The following PCDHGA4 variants were observed in gnomAD, a reference collection of about 807,000 sequenced individuals.
The protein encoded by PCDHGA4 is protocadherin gamma subfamily A, 4.
A neutral mutation model predicts 54.6 loss-of-function variants in PCDHGA4; 38 were observed. The ratio of observed to expected loss-of-function variants is 0.70; its 90% CI spans 0.54 to 0.91. The LOEUF is 0.91. Ranked by LOEUF, PCDHGA4 falls within the 40% of genes least tolerant of loss-of-function variation. The pLI, the probability that PCDHGA4 is intolerant of heterozygous loss-of-function variation, is 0.00. For synonymous variants in PCDHGA4, 511 were observed against 512.9 expected (o/e 1.00, Z 0.05); for missense variants, 1,298 against 1,220.9 (o/e 1.06, Z -0.94).
At chr5:141,418,904 A>C (rs2096300166) in intron 1 of PCDHGA4, 1 of 1,613,998 alleles carries the variant, frequency 6.2e-7, no homozygotes, top group Admixed American at 1.7e-5. Context: ...AGAAATAATC[A>C]TCACGTCACT....
intron 1 of PCDHGA4, among the ~76,000 whole-genome samples, chr5:141,445,929 A>G (rs1388363296): frequency 6.6e-6 from 1 of 152,208 alleles, no homozygotes; most frequent in Non-Finnish European, 1.5e-5. Context: ...AAGATATTTG[A>G]ATTATTAAGC....
rs753050855 is a variant in PCDHGA4 at position 141,375,684 on chromosome 5, C to T, written c.2514+18063C>T. 4 of 1,614,272 alleles carry T rather than the reference C, an allele frequency of 2.5e-6. No individual in the cohort carries two copies. In the South Asian group the frequency reaches 4.4e-5, roughly 18 times the overall value. On this transcript the variant is annotated intron_variant, in intron 1 of 3. Coordinates refer to ENST00000571252, the MANE Select transcript of PCDHGA4 (RefSeq NM_018917.4). The stretch of plus-strand genomic sequence containing the variant: ...AGAGACCTACAGCTGTGGGTGACAG[C>T]CAGCGACAGCGGGGACCCGCCTCTT...
chr5:141,422,587 CCTCA>C, intron 1 of PCDHGA4: 1 of 1,614,032 alleles, frequency 6.2e-7, no homozygotes, highest in Non-Finnish European at 8.5e-7. Context: ...TCCCGTTTTT[CCTCA>C]CTCCTCTTAC....
chr5:141,449,936 T>C (rs1016569958), intron 1 of PCDHGA4, among the ~76,000 whole-genome samples: 4 of 151,978 alleles, frequency 2.6e-5, no homozygotes, highest in African/African-American at 9.6e-5. Context: ...CCTTATAGTA[T>C]ATTTTACTAT....
chr5:141,381,720 T>G (rs1777381403), intron 1 of PCDHGA4, among the ~76,000 whole-genome samples: 1 of 152,132 alleles, frequency 6.6e-6, no homozygotes, highest in Non-Finnish European at 1.5e-5. Context: ...CTCACAAGAC[T>G]GGGAGTGAGA....
intron 2 of PCDHGA4, 54 bp from the exon 3 acceptor site, chr5:141,505,339 G>A: frequency 1.2e-6 from 2 of 1,612,236 alleles, no homozygotes; most frequent in Middle Eastern, 3.4e-4. Flanking sequence ...GACAGGAGGG[G>A]CATGAGCTGT....
At chr5:141,510,238 A>C (rs2099880007) in intron 3 of PCDHGA4, among the ~76,000 whole-genome samples, 1 of 149,340 alleles carries the variant, frequency 6.7e-6, no homozygotes, top group Non-Finnish European at 1.5e-5. Flanking sequence ...GCGCCACTGC[A>C]CTCCAGGCTG....
intron 1 of PCDHGA4, chr5:141,385,154 C>G (rs761681846): frequency 6.2e-7 from 1 of 1,614,208 alleles, no homozygotes; most frequent in Non-Finnish European, 8.5e-7. Flanking sequence ...TTCCTGCAGA[C>G]CTATTCCCAT....
At chr5:141,387,857 G>A (rs375524405) in intron 1 of PCDHGA4, 124 of 1,594,010 alleles carry the variant, frequency 7.8e-5, no homozygotes, top group Admixed American at 2.1e-4. Context: ...TCTCCAGGCT[G>A]GTGAGCAAGC....
chr5:141,355,399 G>C lies in PCDHGA4; in HGVS notation c.292G>C (p.Val98Leu), dbSNP rs997655527. 1.9e-6 allele frequency: 3 copies of C among 1,613,968 alleles called. No individual in the cohort carries two copies. In the African/African-American group the frequency reaches 4.0e-5, roughly 22 times the overall value. Residue 98 changes from valine to leucine, a missense_variant, in exon 1 of 4, where the codon GTC (valine) becomes CTC (leucine). By Grantham distance (32) the Val-to-Leu change is conservative. Transcript: ENST00000571252. ...RELAERGVRIVSRGRTQLFAL... is the reference protein window; with the variant it reads ...RELAERGVRILSRGRTQLFAL... ...GCTGGCGGAGCGCGGAGTCCGCATC[G>C]TCTCCAGAGGTAGGACGCAGCTTTT... is the stretch of plus-strand genomic sequence containing the variant.
rs70988800 is a variant in PCDHGA4, at chr5:141,379,889, C to CTTTTTTTTTTTTTTTTTTTTTTT, written c.2514+22276_2514+22298dup. Among the ~76,000 whole-genome samples the CTTTTTTTTTTTTTTTTTTTTTTT allele has an allele frequency of 1.4e-3, 69 of 50,828 alleles. 14 individuals are homozygous for CTTTTTTTTTTTTTTTTTTTTTTT. The highest frequency in any genetic ancestry group is 2.0e-3 in the Non-Finnish European group (53 of 25,880). 33.3% of individuals were successfully genotyped at this position (50,828 alleles called of 152,430 possible). Reference sequence around the variant, plus strand: ...CTTATTTTATGGTCTGTGAAAGCCTCTTTTTTTTTTTTTTTTTTTTTTTTT... The same window carrying CTTTTTTTTTTTTTTTTTTTTTTT: ...CTTATTTTATGGTCTGTGAAAGCCTCTTTTTTTTTTTTTTTTTTTTTTTTTTTTTTTTTTTTTTTTTTTTTTTT... On this transcript the variant is annotated intron_variant, in intron 1 of 3. Coordinates refer to ENST00000571252, the MANE Select transcript of PCDHGA4 (RefSeq NM_018917.4).
intron 1 of PCDHGA4, among the ~76,000 whole-genome samples, chr5:141,457,459 CA>C (rs1402759850): frequency 6.6e-6 from 1 of 152,166 alleles, no homozygotes; most frequent in Non-Finnish European, 1.5e-5. Context: ...CCACTTGATT[CA>C]CAGGAATAAG....
Position 141,491,947 on chromosome 5 carries a change from C to T in PCDHGA4, c.2515-2860C>T. ...GGGGAGGTGGGACCGACCCCCACCCCTACACTCAAAAAAGGCCGGGGCCTC... is the reference window on the plus strand; with the variant it reads ...GGGGAGGTGGGACCGACCCCCACCCTTACACTCAAAAAAGGCCGGGGCCTC... On this transcript the variant is annotated intron_variant, in intron 1 of 3. Coordinates refer to ENST00000571252, the MANE Select transcript of PCDHGA4 (RefSeq NM_018917.4). The surrounding 1 kb of genome is among the most constrained non-coding windows in gnomAD (Gnocchi z 6.9). 1 of 1,114,210 alleles carries T rather than the reference C, an allele frequency of 9.0e-7. No individual in the cohort carries two copies. The highest frequency in any genetic ancestry group is 1.2e-6 in the Non-Finnish European group (1 of 815,758). 69.0% of individuals were successfully genotyped at this position (1,114,210 alleles called of 1,614,324 possible). A position where few individuals can be genotyped will look rare whatever the true frequency, so the allele number is the denominator to read the frequency against.
intron 3 of PCDHGA4, among the ~76,000 whole-genome samples, chr5:141,506,444 CAAAAAAAAAA>C (rs1219684339): frequency 8.4e-5 from 8 of 95,030 alleles, no homozygotes; most frequent in Non-Finnish European, 1.3e-4. Context: ...CGCTCTGTCT[CAAAAAAAAAA>C]AAAAAAAAAA....
chr5:141,400,067 A>G lies in PCDHGA4; in HGVS notation c.2514+42446A>G, dbSNP rs761746196. On this transcript the variant is annotated intron_variant, in intron 1 of 3. Coordinates refer to ENST00000571252, the MANE Select transcript of PCDHGA4 (RefSeq NM_018917.4). ...CTGGTTGCTGTGCGTGATGGTGGAC[A>G]GCCGCCACTCTCCGCCACCGCCACG... is the stretch of plus-strand genomic sequence containing the variant. 1.3e-5 allele frequency: 21 copies of G among 1,613,654 alleles called. No individual in the cohort carries two copies. The highest frequency in any genetic ancestry group is 1.7e-4 in the Middle Eastern group (1 of 5,998).
Position 141,438,643 on chromosome 5 carries a change from C to CATAT in PCDHGA4, c.2515-56163_2515-56162insTATA, listed in dbSNP as rs1213792286. ...ATATATATATATATATATACACACACACACACACATATATGTATATATATA... is the reference window on the plus strand; with the variant it reads ...ATATATATATATATATATACACACACATATACACACACATATATGTATATATATA... On this transcript the variant is annotated intron_variant, in intron 1 of 3. Transcript: ENST00000571252. Among the ~76,000 whole-genome samples, 345 of 117,382 alleles carry CATAT rather than the reference C, an allele frequency of 2.9e-3. 2 individuals are homozygous for CATAT. Among genetic ancestry groups the CATAT allele is most frequent in the Admixed American group, 6.8e-3 (78 of 11,434 alleles). 77.0% of individuals were successfully genotyped at this position (117,382 alleles called of 152,430 possible). A position where few individuals can be genotyped will look rare whatever the true frequency, so the allele number is the denominator to read the frequency against.
At chr5:141,422,604 T>C in intron 1 of PCDHGA4, 1 of 1,614,030 alleles carries the variant, frequency 6.2e-7, no homozygotes, top group Non-Finnish European at 8.5e-7. Flanking sequence ...CCTCTTACTC[T>C]GCCTACATTC....
At chr5:141,482,528 T>C (rs945815289) in intron 1 of PCDHGA4, among the ~76,000 whole-genome samples, 1 of 56,520 alleles carries the variant, frequency 1.8e-5, no homozygotes, top group Non-Finnish European at 2.8e-5. Flanking sequence ...GAGACAGACA[T>C]GCAAAAAAAA....
chr5:141,373,621 A>G (rs908270659), intron 1 of PCDHGA4, among the ~76,000 whole-genome samples: 1 of 152,256 alleles, frequency 6.6e-6, no homozygotes, highest in Admixed American at 6.5e-5. Flanking sequence ...AGAAGATTGT[A>G]ATATTATTTC....
Sources: allele counts gnomAD v4.1 joint callset (sites outside exome capture counted in the v4.1 genomes callset), GRCh38; gene constraint gnomAD v4.1.1; non-coding constraint Gnocchi (gnomAD v3.1); transcripts MANE v1.5; gene names NCBI Gene and HGNC (gene_info 2026-07-23, HGNC 2026-07-21).